The following HIP1 variants were observed in gnomAD, a reference collection of about 807,000 sequenced individuals.
The protein encoded by HIP1 is huntingtin interacting protein 1.
HIP1 carries 65 observed loss-of-function variants against 147.6 expected under a neutral mutation model. The observed-to-expected ratio is 0.44, with a 90% CI of 0.36 to 0.54. The LOEUF (loss-of-function observed/expected upper bound fraction) is 0.54, where lower values mean the gene tolerates loss of function less well. Ranked by LOEUF, HIP1 falls within the 20% of genes least tolerant of loss-of-function variation. The pLI is 0.00. For synonymous variants in HIP1, 479 were observed against 504.0 expected, an observed-to-expected ratio of 0.95 and a Z score of 0.67; for missense variants, 1,061 against 1,299.6, an observed-to-expected ratio of 0.82 and a Z score of 2.82.
In HIP1 at chr7:75,680,770, C is replaced by T. The variant is rs148333501; in HGVS notation, c.120+58031G>A. ...AATTACAGGCATGTGCCACCACGCC[C>T]GGCTAAATTTTTGTTTGTTTTTTGA... is the stretch of plus-strand genomic sequence containing the variant. On this transcript the variant is annotated intron_variant, in intron 1 of 30. Transcript: ENST00000336926. 2.6e-4 allele frequency among the ~76,000 whole-genome samples: 39 copies of T among 151,336 alleles called. No homozygotes were observed. The East Asian group carries it at 7.2e-3, about 28-fold the overall frequency.
At chr7:75,670,842 A>C (rs1799711128) in intron 1 of HIP1, among the ~76,000 whole-genome samples, 1 of 136,842 alleles carries the variant, frequency 7.3e-6, no homozygotes, top group Admixed American at 8.5e-5. Flanking sequence ...GGCTGGTCTC[A>C]AACTCTTCGG....
intron 19 of HIP1, among the ~76,000 whole-genome samples, chr7:75,554,872 C>T (rs1794930650): frequency 6.6e-6 from 1 of 151,712 alleles, no homozygotes; most frequent in Non-Finnish European, 1.5e-5. Context: ...TGGGACCATC[C>T]TGGGCAATAG....
At chr7:75,663,677 G>C (rs559988861) in intron 1 of HIP1, among the ~76,000 whole-genome samples, 91 of 151,614 alleles carry the variant, frequency 6.0e-4, no homozygotes, top group African/African-American at 2.1e-3. Context: ...TCCTGACCAT[G>C]AGCAGTGAAA....
intron 1 of HIP1, among the ~76,000 whole-genome samples, chr7:75,641,452 T>C (rs1480726691): frequency 6.6e-6 from 1 of 151,026 alleles, no homozygotes; most frequent in Admixed American, 6.6e-5. Flanking sequence ...TTTTTCTTTT[T>C]TGGTTTTCTT....
intron 14 of HIP1, 71 bp from the exon 15 acceptor site, chr7:75,558,326 G>A (rs1795095120): frequency 8.3e-7 from 1 of 1,200,342 alleles, no homozygotes; most frequent in Non-Finnish European, 1.2e-6. Flanking sequence ...AATGAGCCAG[G>A]GTCCCTAGAA....
At chr7:75,653,147 G>C (rs1554512203) in intron 1 of HIP1, among the ~76,000 whole-genome samples, 1 of 149,986 alleles carries the variant, frequency 6.7e-6, no homozygotes, top group Non-Finnish European at 1.5e-5. Context: ...AAAGGTCTGG[G>C]AGAAAAAAAA....
chr7:75,662,051 C>T (rs1203153068), intron 1 of HIP1, among the ~76,000 whole-genome samples: 4 of 94,638 alleles, frequency 4.2e-5, no homozygotes, highest in Admixed American at 1.4e-4. Flanking sequence ...AGAGTGGGTG[C>T]GTGAGTGAGC....
At chr7:75,555,118 C>T (rs887960711) in intron 19 of HIP1, among the ~76,000 whole-genome samples, 5 of 136,966 alleles carry the variant, frequency 3.7e-5, no homozygotes, top group East Asian at 2.2e-4. Flanking sequence ...GCCCAGGAAG[C>T]GGAGGTTGCA....
At chr7:75,592,221 T>TATCA (rs1462652354) in intron 3 of HIP1, 109 bp from the exon 4 acceptor site, 1 of 1,373,500 alleles carries the variant, frequency 7.3e-7, no homozygotes, top group African/African-American at 1.4e-5. Context: ...GACAGGCTGA[T>TATCA]GGGAGGGAGA....
chr7:75,611,962 T>C, intron 1 of HIP1: 2 of 779,168 alleles, frequency 2.6e-6, no homozygotes, highest in South Asian at 1.2e-4. Context: ...GGAAACCCTC[T>C]GGCCTTGCTT....
At chr7:75,635,936 A>T (rs1798409896) in intron 1 of HIP1, among the ~76,000 whole-genome samples, 1 of 148,302 alleles carries the variant, frequency 6.7e-6, no homozygotes, top group African/African-American at 2.5e-5. Flanking sequence ...GGTAGGGAGG[A>T]TCACTTGAAC....
chr7:75,559,699 C>CCGGGGGGG, intron 14 of HIP1, 33 bp downstream of exon 14: 9 of 1,226,526 alleles, frequency 7.3e-6, no homozygotes, highest in Admixed American at 2.4e-5. Flanking sequence ...CGCCTGCCCC[C>CCGGGGGGG]GGGGCCCGCC....
At chr7:75,551,189 A>ATTTTTTT (rs55679922) in intron 22 of HIP1, among the ~76,000 whole-genome samples, 3,553 of 77,302 alleles carry the variant, frequency 0.046, 785 homozygotes, top group Non-Finnish European at 0.056. Flanking sequence ...GTAGATGATA[A>ATTTTTTT]TTTTTTTTTT....
intron 1 of HIP1, among the ~76,000 whole-genome samples, chr7:75,621,242 T>C (rs1374961103): frequency 2.0e-5 from 3 of 151,950 alleles, no homozygotes; most frequent in African/African-American, 7.3e-5. Flanking sequence ...GTGAGCCTGG[T>C]ACACACCTGG....
At chr7:75,541,889 G>A in intron 29 of HIP1, 30 bp downstream of exon 29, 1 of 1,508,908 alleles carries the variant, frequency 6.6e-7, no homozygotes, top group Non-Finnish European at 9.2e-7. Context: ...GGCAATAGAG[G>A]CTATCTAGAC....
intron 1 of HIP1, among the ~76,000 whole-genome samples, chr7:75,675,228 T>C (rs1302569827): frequency 1.3e-5 from 2 of 152,064 alleles, no homozygotes; most frequent in African/African-American, 4.8e-5. Context: ...TGAGATGAAG[T>C]CTTGCTCTGC....
intron 1 of HIP1, among the ~76,000 whole-genome samples, chr7:75,726,677 G>A (rs1193184151): frequency 1.3e-5 from 2 of 149,812 alleles, no homozygotes; most frequent in Non-Finnish European, 3.0e-5. Context: ...TGATGGGCAT[G>A]TAGAGGTATC....
intron 2 of HIP1, among the ~76,000 whole-genome samples, chr7:75,596,935 C>T (rs1191877661): frequency 6.6e-6 from 1 of 152,200 alleles, no homozygotes; most frequent in African/African-American, 2.4e-5. Flanking sequence ...CTGTCTCTCC[C>T]TTACTCATAT....
intron 5 of HIP1, among the ~76,000 whole-genome samples, chr7:75,583,183 T>A (rs1258208227): frequency 2.0e-5 from 3 of 152,114 alleles, no homozygotes; most frequent in Non-Finnish European, 2.9e-5. Context: ...TCTGCCTGCC[T>A]TTGCTTCCTG....
Sources: allele counts gnomAD v4.1 joint callset (sites outside exome capture counted in the v4.1 genomes callset), GRCh38; gene constraint gnomAD v4.1.1; transcripts MANE v1.5; gene names NCBI Gene and HGNC (gene_info 2026-07-23, HGNC 2026-07-21).